Variants in OR1J2 observed in about 807,000 individuals in gnomAD.
OR1J2 encodes the protein olfactory receptor 1J2.
For synonymous variants in OR1J2, 142 were observed against 99.7 expected, an observed-to-expected ratio of 1.42 and a Z score of -2.52; for missense variants, 304 against 246.1, an observed-to-expected ratio of 1.24 and a Z score of -1.57.
chr9:122,523,669 T>C, the OR1J2 span, among the ~76,000 whole-genome samples: 2 of 152,224 alleles, frequency 1.3e-5, no homozygotes, highest in Non-Finnish European at 2.9e-5. Flanking sequence ...AGGATTGCTC[T>C]TGATTTATGG....
the OR1J2 span, among the ~76,000 whole-genome samples, chr9:122,460,630 T>A: frequency 6.6e-6 from 1 of 152,136 alleles, no homozygotes; most frequent in South Asian, 2.1e-4. Context: ...TTAGGATTGT[T>A]TTATTTAGTT....
the OR1J2 span, among the ~76,000 whole-genome samples, chr9:122,518,913 T>G: frequency 6.4e-4 from 97 of 152,338 alleles, no homozygotes; most frequent in African/African-American, 2.3e-3. Context: ...ACATGGCTGG[T>G]CTTCTCTTCT....
the OR1J2 span, among the ~76,000 whole-genome samples, chr9:122,504,659 C>G: frequency 6.6e-6 from 1 of 152,134 alleles, no homozygotes; most frequent in Non-Finnish European, 1.5e-5. Context: ...TGTCATTTCT[C>G]TGTCTGTAAT....
At chr9:122,580,343 G>A in the OR1J2 span, among the ~76,000 whole-genome samples, 1 of 152,022 alleles carries the variant, frequency 6.6e-6, no homozygotes, top group Non-Finnish European at 1.5e-5. Flanking sequence ...TCTAGCCTTC[G>A]ACGTACAGGA....
At chr9:122,480,627 GCTT>G in the OR1J2 span, among the ~76,000 whole-genome samples, 1 of 150,396 alleles carries the variant, frequency 6.6e-6, no homozygotes, top group Non-Finnish European at 1.5e-5. Flanking sequence ...AAATGTATTT[GCTT>G]CTTTTTTTTA....
chr9:122,552,795 T>G, the OR1J2 span, among the ~76,000 whole-genome samples: 1 of 143,804 alleles, frequency 7.0e-6, no homozygotes, highest in Non-Finnish European at 1.5e-5. Context: ...TGTGTGTGTG[T>G]GTTGGAGGAG....
chr9:122,557,530 G>A, the OR1J2 span, among the ~76,000 whole-genome samples: 81 of 152,068 alleles, frequency 5.3e-4, no homozygotes, highest in Middle Eastern at 0.017. Flanking sequence ...AAGTGTTAGA[G>A]TAGCCCTGCA....
the OR1J2 span, among the ~76,000 whole-genome samples, chr9:122,556,457 A>G: frequency 6.6e-6 from 1 of 151,932 alleles, no homozygotes; most frequent in Non-Finnish European, 1.5e-5. Flanking sequence ...TCTTTTGTCA[A>G]TGCCACACTA....
the OR1J2 span, among the ~76,000 whole-genome samples, chr9:122,540,199 G>C: frequency 6.6e-6 from 1 of 151,556 alleles, no homozygotes; most frequent in Non-Finnish European, 1.5e-5. Context: ...CCATGCCTGT[G>C]TCCTGAATGG....
the OR1J2 span, among the ~76,000 whole-genome samples, chr9:122,456,205 G>A: frequency 2.6e-5 from 4 of 152,136 alleles, no homozygotes; most frequent in African/African-American, 9.7e-5. Flanking sequence ...GATGAATGGG[G>A]AATAATGGCT....
the OR1J2 span, among the ~76,000 whole-genome samples, chr9:122,534,806 A>G: frequency 6.6e-6 from 1 of 152,082 alleles, no homozygotes. Flanking sequence ...CTAGGGAGGA[A>G]CTGATGTGTA....
At chr9:122,479,825 A>G in the OR1J2 span, among the ~76,000 whole-genome samples, 5 of 152,208 alleles carry the variant, frequency 3.3e-5, no homozygotes, top group African/African-American at 7.2e-5. Flanking sequence ...TGCATACTCT[A>G]TATAAATTTG....
the OR1J2 span, chr9:122,526,554 C>G: frequency 6.2e-7 from 1 of 1,612,238 alleles, no homozygotes; most frequent in African/African-American, 1.3e-5. Flanking sequence ...ATAGAACACA[C>G]AAACAACGCA....
chr9:122,569,304 ATC>A, the OR1J2 span, among the ~76,000 whole-genome samples: 1 of 152,122 alleles, frequency 6.6e-6, no homozygotes, highest in East Asian at 1.9e-4. Flanking sequence ...TAAGTGTTAA[ATC>A]TGTTTTTAAT....
the OR1J2 span, among the ~76,000 whole-genome samples, chr9:122,496,237 A>G: frequency 1.3e-5 from 2 of 152,208 alleles, no homozygotes; most frequent in East Asian, 3.9e-4. Flanking sequence ...AACTTGCCCT[A>G]GGGACACCTA....
the OR1J2 span, among the ~76,000 whole-genome samples, chr9:122,555,603 T>C: frequency 6.6e-6 from 1 of 152,186 alleles, no homozygotes; most frequent in Non-Finnish European, 1.5e-5. Flanking sequence ...AGTCTATTTA[T>C]ATATAAAGAT....
At chr9:122,519,371 T>G in the OR1J2 span, 1 of 1,614,208 alleles carries the variant, frequency 6.2e-7, no homozygotes, top group Non-Finnish European at 8.5e-7. Context: ...CATCTGTCAC[T>G]GTCCCAAAGA....
chr9:122,546,854 CG>C, the OR1J2 span, among the ~76,000 whole-genome samples: 1 of 151,960 alleles, frequency 6.6e-6, no homozygotes, highest in African/African-American at 2.4e-5. Flanking sequence ...TGTATGTATT[CG>C]GGGGGTACAT....
chr9:122,531,828 C>T, the OR1J2 span, among the ~76,000 whole-genome samples: 2 of 152,304 alleles, frequency 1.3e-5, no homozygotes, highest in Non-Finnish European at 2.9e-5. Flanking sequence ...GGAATTATGT[C>T]TGACAGAAGG....
Sources: gnomAD v4.1 joint callset for allele counts (sites outside exome capture counted in the v4.1 genomes callset) on GRCh38, gnomAD v4.1.1 for gene constraint, MANE v1.5 for transcripts, NCBI Gene and HGNC (gene_info 2026-07-23, HGNC 2026-07-21) for gene names.